The following AOPEP variants were observed in gnomAD, a reference collection of about 807,000 sequenced individuals.
The protein encoded by AOPEP is aminopeptidase O (putative).
AOPEP carries 77 observed loss-of-function variants against 98.1 expected under a neutral mutation model. The observed-to-expected ratio is 0.78, with a 90% CI of 0.65 to 0.95. AOPEP has a LOEUF of 0.95. Ranked by LOEUF, AOPEP falls within the 40% of genes least tolerant of loss-of-function variation. The probability of loss-of-function intolerance (pLI) is 0.00; values close to 1 mark genes in which losing one functional copy is unlikely to be tolerated. For synonymous variants in AOPEP, 346 were observed against 365.3 expected (o/e 0.95, Z 0.60); for missense variants, 1,024 against 1,024.7 (o/e 1.00, Z 0.01).
intron 5 of AOPEP, among the ~76,000 whole-genome samples, chr9:94,886,987 C>A (rs991982905): frequency 3.3e-5 from 5 of 152,010 alleles, no homozygotes; most frequent in African/African-American, 1.2e-4. Context: ...AGTGTTGTTT[C>A]ATGGTACTAT....
At chr9:94,736,355 T>G (rs1391400269) in intron 1 of AOPEP, among the ~76,000 whole-genome samples, 1 of 149,560 alleles carries the variant, frequency 6.7e-6, no homozygotes, top group Non-Finnish European at 1.5e-5. Flanking sequence ...CATGACTTGT[T>G]TAAGGACTAT....
chr9:95,133,657 GC>G, the AOPEP span, among the ~76,000 whole-genome samples: 1 of 152,212 alleles, frequency 6.6e-6, no homozygotes, highest in African/African-American at 2.4e-5. Flanking sequence ...TGGAAAAAAG[GC>G]AATGGGACTA....
intron 5 of AOPEP, among the ~76,000 whole-genome samples, chr9:94,832,648 A>T (rs1856246607): frequency 6.6e-6 from 1 of 152,176 alleles, no homozygotes; most frequent in Admixed American, 6.5e-5. Flanking sequence ...GTTTAAAGAA[A>T]CTGGGATATC....
At chr9:94,769,398 G>A (rs543296424) in intron 2 of AOPEP, among the ~76,000 whole-genome samples, 2 of 152,332 alleles carry the variant, frequency 1.3e-5, no homozygotes, top group Non-Finnish European at 2.9e-5. Context: ...GAAGGGAAGA[G>A]TGAGCCTGCA....
At chr9:95,124,217 C>T in the AOPEP span, among the ~76,000 whole-genome samples, 1 of 151,502 alleles carries the variant, frequency 6.6e-6, no homozygotes, top group Non-Finnish European at 1.5e-5. Flanking sequence ...GTTCTCCTCT[C>T]GGAAGTCAAA....
At chr9:95,014,074 G>C (rs1167248227) in intron 13 of AOPEP, among the ~76,000 whole-genome samples, 1 of 152,206 alleles carries the variant, frequency 6.6e-6, no homozygotes, top group Non-Finnish European at 1.5e-5. Context: ...TGCTTTAAAT[G>C]TATTATTTTA....
intron 14 of AOPEP, among the ~76,000 whole-genome samples, chr9:95,064,830 A>T (rs2067711655): frequency 6.6e-6 from 1 of 152,234 alleles, no homozygotes; most frequent in Non-Finnish European, 1.5e-5. Flanking sequence ...TCAAGCACTT[A>T]ATGATTAATA....
chr9:95,121,752 T>C, the AOPEP span, among the ~76,000 whole-genome samples: 1 of 152,172 alleles, frequency 6.6e-6, no homozygotes, highest in Non-Finnish European at 1.5e-5. Flanking sequence ...GTTTGTTTTA[T>C]ATAGTGCAAA....
intron 7 of AOPEP, among the ~76,000 whole-genome samples, chr9:94,939,389 C>T (rs1460518556): frequency 6.6e-6 from 1 of 152,096 alleles, no homozygotes; most frequent in African/African-American, 2.4e-5. Flanking sequence ...GGAAAGACAA[C>T]AGCCCATGTT....
At chr9:94,860,249 G>A (rs1006285784) in intron 5 of AOPEP, among the ~76,000 whole-genome samples, 8 of 152,164 alleles carry the variant, frequency 5.3e-5, no homozygotes, top group Non-Finnish European at 1.0e-4. Flanking sequence ...CCCGAAAGAA[G>A]TGTTCATGGA....
chr9:94,871,019 TC>T (rs2046287908), intron 5 of AOPEP, among the ~76,000 whole-genome samples: 1 of 152,196 alleles, frequency 6.6e-6, no homozygotes, highest in South Asian at 2.1e-4. Context: ...CACTCCTTTT[TC>T]AGCCCTCCTC....
At chr9:95,048,275 A>G (rs968539620) in intron 13 of AOPEP, among the ~76,000 whole-genome samples, 2 of 152,158 alleles carry the variant, frequency 1.3e-5, no homozygotes, top group Non-Finnish European at 2.9e-5. Context: ...ACATTGTGTA[A>G]GTGAGAGGAG....
chr9:94,913,541 G>C (rs1259388526), intron 5 of AOPEP, among the ~76,000 whole-genome samples: 1 of 152,186 alleles, frequency 6.6e-6, no homozygotes, highest in East Asian at 1.9e-4. Context: ...AATTATTTAT[G>C]AATCCCCAAT....
At chr9:94,954,178 G>T (rs1589061605) in intron 7 of AOPEP, among the ~76,000 whole-genome samples, 1 of 152,134 alleles carries the variant, frequency 6.6e-6, no homozygotes, top group East Asian at 1.9e-4. Context: ...ACAAAAATTA[G>T]CTGGGTACGG....
chr9:94,792,942 G>GA, intron 4 of AOPEP, 24 bp downstream of exon 4: 1 of 1,531,658 alleles, frequency 6.5e-7, no homozygotes, highest in South Asian at 1.3e-5. Flanking sequence ...GACTTGCTGG[G>GA]AAGGAAAAAA....
At chr9:94,868,566 A>G (rs117149626) in intron 5 of AOPEP, among the ~76,000 whole-genome samples, 2,343 of 152,308 alleles carry the variant, frequency 0.015, 31 homozygotes, top group Middle Eastern at 0.085. Context: ...TTTTGCACCA[A>G]GCTTCTTTGC....
At chr9:94,872,641 C>T (rs1337526441) in intron 5 of AOPEP, among the ~76,000 whole-genome samples, 1 of 152,144 alleles carries the variant, frequency 6.6e-6, no homozygotes, top group Non-Finnish European at 1.5e-5. Flanking sequence ...CCAAATGAGG[C>T]AATAACTTAC....
the AOPEP span, among the ~76,000 whole-genome samples, chr9:95,132,932 T>A: frequency 6.6e-6 from 1 of 152,210 alleles, no homozygotes; most frequent in South Asian, 2.1e-4. Flanking sequence ...TTAACAGTGC[T>A]CTATATAAAA....
chr9:94,877,407 ACTG>A (rs2047076418), intron 5 of AOPEP, among the ~76,000 whole-genome samples: 1 of 145,246 alleles, frequency 6.9e-6, no homozygotes, highest in African/African-American at 2.5e-5. Context: ...AAATGACCCT[ACTG>A]GATTTTTTTT....
Sources: allele counts gnomAD v4.1 joint callset (sites outside exome capture counted in the v4.1 genomes callset), GRCh38; gene constraint gnomAD v4.1.1; transcripts MANE v1.5; gene names NCBI Gene and HGNC (gene_info 2026-07-23, HGNC 2026-07-21).